ROBO2: variants seen among roughly 807,000 people sequenced by gnomAD.
ROBO2 encodes roundabout homolog 2.
In ROBO2, 53 loss-of-function variants were observed where a neutral mutation model predicts 160.8. The ratio of observed to expected loss-of-function variants is 0.33; its 90% CI spans 0.26 to 0.41. The LOEUF is 0.41. Ranked by LOEUF, ROBO2 falls within the 10% of genes least tolerant of loss-of-function variation. The pLI is 1.00. For synonymous variants in ROBO2, 664 were observed against 611.7 expected (o/e 1.09, Z -1.26); for missense variants, 1,577 against 1,722.4 (o/e 0.92, Z 1.49).
chr3:77,195,786 C>T (rs1406777199), intron 2 of ROBO2, among the ~76,000 whole-genome samples: 1 of 152,290 alleles, frequency 6.6e-6, no homozygotes, highest in South Asian at 2.1e-4. Flanking sequence ...GAACCTAAAT[C>T]TGTCAAGTTA....
At chr3:76,963,145 C>A (rs914148021) in intron 2 of ROBO2, among the ~76,000 whole-genome samples, 1 of 99,446 alleles carries the variant, frequency 1.0e-5, no homozygotes, top group African/African-American at 4.1e-5. Flanking sequence ...ATGTTCTGGT[C>A]CCTTTAATAA....
At chr3:76,119,591 T>A (rs2070632593) in intron 2 of ROBO2, among the ~76,000 whole-genome samples, 2 of 151,960 alleles carry the variant, frequency 1.3e-5, no homozygotes, top group South Asian at 2.1e-4. Context: ...TTGTACTTTT[T>A]CTTATACTTC....
intron 2 of ROBO2, among the ~76,000 whole-genome samples, chr3:77,341,656 A>G (rs1171977005): frequency 2.0e-5 from 3 of 152,230 alleles, no homozygotes; most frequent in East Asian, 3.9e-4. Flanking sequence ...CTAACATTCT[A>G]TAGAGACTGC....
At chr3:77,587,538 A>G (rs536006278) in intron 16 of ROBO2, among the ~76,000 whole-genome samples, 48 of 152,186 alleles carry the variant, frequency 3.2e-4, no homozygotes, top group Non-Finnish European at 5.3e-4. Flanking sequence ...ACTACATATT[A>G]GCCTCCACTT....
chr3:76,683,049 C>G (rs1414118744), intron 2 of ROBO2, among the ~76,000 whole-genome samples: 2 of 151,960 alleles, frequency 1.3e-5, no homozygotes, highest in Admixed American at 6.6e-5. Context: ...CTTACAGAAC[C>G]CCTACATCGT....
At chr3:76,132,621 G>C (rs2071273118) in intron 2 of ROBO2, among the ~76,000 whole-genome samples, 1 of 152,068 alleles carries the variant, frequency 6.6e-6, no homozygotes, top group African/African-American at 2.4e-5. Flanking sequence ...TTATTATGCA[G>C]TAATTTTACT....
intron 2 of ROBO2, among the ~76,000 whole-genome samples, chr3:76,842,829 G>A (rs2068417938): frequency 6.6e-6 from 1 of 152,054 alleles, no homozygotes; most frequent in Admixed American, 6.6e-5. Flanking sequence ...CATACATTAT[G>A]GAATTCATTA....
chr3:76,850,162 G>T (rs553622699), intron 2 of ROBO2, among the ~76,000 whole-genome samples: 1 of 152,018 alleles, frequency 6.6e-6, no homozygotes, highest in Admixed American at 6.6e-5. Context: ...CTGCACTCCA[G>T]CCTGGTAACA....
intron 2 of ROBO2, among the ~76,000 whole-genome samples, chr3:76,556,188 A>G (rs2083781586): frequency 6.6e-6 from 1 of 152,190 alleles, no homozygotes; most frequent in South Asian, 2.1e-4. Flanking sequence ...CTCAGGAGAT[A>G]TTAGTATATC....
chr3:76,022,064 C>T (rs1386091513), intron 2 of ROBO2, among the ~76,000 whole-genome samples: 3 of 151,764 alleles, frequency 2.0e-5, no homozygotes, highest in African/African-American at 7.2e-5. Context: ...ATGTTTACAG[C>T]ATCATTACCA....
chr3:76,473,773 T>C (rs147625137), intron 2 of ROBO2, among the ~76,000 whole-genome samples: 2 of 152,202 alleles, frequency 1.3e-5, no homozygotes, highest in African/African-American at 4.8e-5. Context: ...TAAAAAAGAA[T>C]GAGACATTGA....
chr3:76,981,288 A>G (rs2060083993), intron 2 of ROBO2, among the ~76,000 whole-genome samples: 1 of 152,176 alleles, frequency 6.6e-6, no homozygotes, highest in African/African-American at 2.4e-5. Context: ...TGGCTATACC[A>G]TTTCACATAG....
chr3:76,213,792 T>A (rs960207941), intron 2 of ROBO2, among the ~76,000 whole-genome samples: 3 of 152,168 alleles, frequency 2.0e-5, no homozygotes, highest in Non-Finnish European at 4.4e-5. Context: ...TAATTTGACA[T>A]GTATTGAGAA....
chr3:76,303,400 C>A (rs1185739938), intron 2 of ROBO2, among the ~76,000 whole-genome samples: 1 of 151,788 alleles, frequency 6.6e-6, no homozygotes, highest in Admixed American at 6.6e-5. Context: ...ATATAGCAAA[C>A]CCAGAACGCA....
At chr3:76,576,598 G>A (rs1163568654) in intron 2 of ROBO2, among the ~76,000 whole-genome samples, 2 of 151,162 alleles carry the variant, frequency 1.3e-5, no homozygotes, top group Non-Finnish European at 2.9e-5. Flanking sequence ...AGCAGATTGA[G>A]AATATATGTT....
intron 2 of ROBO2, among the ~76,000 whole-genome samples, chr3:76,868,479 CACTT>C (rs2071620668): frequency 6.6e-6 from 1 of 152,128 alleles, no homozygotes; most frequent in Non-Finnish European, 1.5e-5. Context: ...TTTAGACAAA[CACTT>C]ATTTTTAGAC....
chr3:76,979,182 G>T (rs543019766), intron 2 of ROBO2, among the ~76,000 whole-genome samples: 12 of 152,112 alleles, frequency 7.9e-5, no homozygotes, highest in African/African-American at 2.9e-4. Context: ...GGGCTGCAGT[G>T]GTCTTCCTGC....
At chr3:76,400,419 C>A (rs2077747166) in intron 2 of ROBO2, among the ~76,000 whole-genome samples, 2 of 151,544 alleles carry the variant, frequency 1.3e-5, no homozygotes, top group Admixed American at 1.3e-4. Flanking sequence ...TATAAAAGTT[C>A]TAAGCATCAT....
At chr3:76,603,347 AAAAAATATATATATATATATAT>A (rs1264535998) in intron 2 of ROBO2, among the ~76,000 whole-genome samples, 1 of 45,076 alleles carries the variant, frequency 2.2e-5, no homozygotes, top group African/African-American at 1.0e-4. Context: ...AAAAAAAAAA[AAAAAATATATATATATATATAT>A]ATATATATAT....
Sources: allele counts gnomAD v4.1 joint callset (sites outside exome capture counted in the v4.1 genomes callset), GRCh38; gene constraint gnomAD v4.1.1; transcripts MANE v1.5; gene names NCBI Gene and HGNC (gene_info 2026-07-23, HGNC 2026-07-21).